SEC23B: variants seen among roughly 807,000 people sequenced by gnomAD.
The protein encoded by SEC23B is SEC23 homolog B, COPII component.
SEC23B carries 77 observed loss-of-function variants against 104.3 expected under a neutral mutation model. That is an observed-to-expected ratio of 0.74 (90% CI 0.61 to 0.89). The LOEUF (loss-of-function observed/expected upper bound fraction) is 0.89. Among genes scored for constraint, SEC23B ranks in the 40% least tolerant of loss-of-function variants. The probability of loss-of-function intolerance (pLI) is 0.00; values close to 1 mark genes in which losing one functional copy is unlikely to be tolerated. For missense variants in SEC23B, 885 were observed against 949.4 expected (o/e 0.93, Z 0.89); for synonymous variants, 338 against 332.5 (o/e 1.02, Z -0.18).
At position 18,558,598 on chromosome 20, in the gene SEC23B, C is replaced by CT. The variant is rs572958997; in HGVS notation, c.2215-2049dup. Among the ~76,000 whole-genome samples, 39 of 152,222 alleles carry CT rather than the reference C, an allele frequency of 2.6e-4. No homozygotes were observed. In the East Asian group the frequency reaches 6.6e-3, roughly 26 times the overall value. On this transcript the variant is annotated intron_variant, in intron 19 of 19. Coordinates refer to ENST00000650089, the MANE Select transcript of SEC23B (RefSeq NM_006363.6). ...TACTACATTTCCATGTATTTTCTTT[C>CT]TTTTGTTCATTTGGGTAACTTCTAT... is the stretch of plus-strand genomic sequence containing the variant.
intron 15 of SEC23B, among the ~76,000 whole-genome samples, chr20:18,547,262 A>T (rs2060341132): frequency 6.6e-6 from 1 of 152,116 alleles, no homozygotes; most frequent in Non-Finnish European, 1.5e-5. Context: ...TCTGTGCCTC[A>T]GTTTCCTCAC....
chr20:18,542,824 G>A (rs1190140810), intron 13 of SEC23B, among the ~76,000 whole-genome samples, 195 bp from the exon 14 acceptor site: 1 of 152,128 alleles, frequency 6.6e-6, no homozygotes, highest in East Asian at 1.9e-4. Context: ...TATGCAGAGA[G>A]ATGGTGATCT....
chr20:18,536,553 G>A (rs1016929260), intron 12 of SEC23B, among the ~76,000 whole-genome samples: 39 of 152,286 alleles, frequency 2.6e-4, no homozygotes, highest in African/African-American at 9.4e-4. Context: ...TTAGCCAGGT[G>A]TGTTGGTGGG....
chr20:18,558,965 A>AT (rs1320838318), intron 19 of SEC23B, among the ~76,000 whole-genome samples: 1 of 149,346 alleles, frequency 6.7e-6, no homozygotes, highest in East Asian at 2.0e-4. Context: ...TGTGTAAGTG[A>AT]TTTTTTTATT....
intron 13 of SEC23B, 28 bp from the exon 14 acceptor site, chr20:18,542,991 A>C (rs754607028): frequency 1.9e-6 from 3 of 1,613,874 alleles, no homozygotes; most frequent in African/African-American, 2.7e-5. Flanking sequence ...CCTAAACATA[A>C]GCATGGCACT....
intron 11 of SEC23B, 67 bp downstream of exon 11, chr20:18,532,811 A>G (rs2060198934): frequency 1.7e-6 from 2 of 1,181,452 alleles, no homozygotes; most frequent in East Asian, 2.3e-5. Context: ...GTGTCAGAGC[A>G]TGATGATCTC....
In SEC23B at chr20:18,511,049, C is replaced by A. The variant is rs755933445; in HGVS notation, c.214C>A (p.Pro72Thr). The A allele has an allele frequency of 6.2e-7, 1 of 1,609,066 alleles. No homozygotes were observed. The highest frequency in any genetic ancestry group is 8.5e-7 in the Non-Finnish European group (1 of 1,175,420). Reference protein sequence around the residue: ...SRPTCKAVLNPLCQVDYRAKL... With the variant: ...SRPTCKAVLNTLCQVDYRAKL... Reference sequence around the variant, plus strand: ...GCCAACTTGTAAAGCTGTTCTCAACCCACTTTGGTATGGATTCTTTTGAAA... The same window carrying A: ...GCCAACTTGTAAAGCTGTTCTCAACACACTTTGGTATGGATTCTTTTGAAA... Residue 72 changes from proline (P) to threonine (T), a missense_variant, in exon 2 of 20, where the codon CCA (proline) becomes ACA (threonine). Transcript: ENST00000650089.
chr20:18,524,980 C>A lies in SEC23B; in HGVS notation c.649C>A (p.Arg217=). The change falls in exon 6 of 20, where the codon CGA becomes AGA. Residue 217 remains arginine (R), a synonymous_variant. Transcript: ENST00000650089. ...TKPAMPMQQA[R]PAQPQEHPFA... ...GCCAGCCATGCCCATGCAGCAAGCA[C>A]GACCTGCACAACCACAGGAGCACCC... The A allele has an allele frequency of 6.2e-7, 1 of 1,613,970 alleles. No homozygotes were observed. The highest frequency in any genetic ancestry group is 2.2e-5 in the East Asian group (1 of 44,866).
rs398035473 is a variant in SEC23B at position 18,508,716 on chromosome 20, C to CTTTTTTTTTTTTTTTTTTTT, written c.-15+746_-15+765dup. 7.2e-5 allele frequency among the ~76,000 whole-genome samples: 7 copies of CTTTTTTTTTTTTTTTTTTTT among 97,482 alleles called. 1 individual carries two copies. Among genetic ancestry groups the CTTTTTTTTTTTTTTTTTTTT allele is most frequent in the African/African-American group, 2.9e-4 (7 of 24,258 alleles). The allele number at this position is 97,482 out of a possible 152,430, so 64.0% of individuals were successfully genotyped here. On this transcript the variant is annotated intron_variant, in intron 1 of 19. Transcript: ENST00000650089. ...AACCATTAGATGGAGGCAGTAGCTT[C>CTTTTTTTTTTTTTTTTTTTT]TTTTTTTTTTTTTTTTTTTTTGAGA... is the stretch of plus-strand genomic sequence containing the variant.
At chr20:18,535,138 T>C (rs1790052660) in intron 11 of SEC23B, among the ~76,000 whole-genome samples, 1 of 152,084 alleles carries the variant, frequency 6.6e-6, no homozygotes, top group Non-Finnish European at 1.5e-5. Flanking sequence ...TCTGACTTGA[T>C]TGATTCTTTG....
intron 5 of SEC23B, 53 bp downstream of exon 5, chr20:18,524,722 A>C (rs2060119131): frequency 1.4e-6 from 2 of 1,453,222 alleles, no homozygotes; most frequent in East Asian, 2.3e-5. Flanking sequence ...TTTAAAAGAG[A>C]CTGGGGTCTC....
intron 12 of SEC23B, among the ~76,000 whole-genome samples, chr20:18,536,904 T>C (rs2060237234): frequency 6.6e-6 from 1 of 152,182 alleles, no homozygotes; most frequent in Non-Finnish European, 1.5e-5. Context: ...ATTTACTATT[T>C]GTTAAGTGGA....
intron 15 of SEC23B, among the ~76,000 whole-genome samples, chr20:18,548,096 C>G (rs1421491344): frequency 6.6e-6 from 1 of 151,972 alleles, no homozygotes; most frequent in Non-Finnish European, 1.5e-5. Flanking sequence ...GGATTACAGG[C>G]GCCCACCACC....
rs1390853007 is a variant in SEC23B at position 18,510,491 on chromosome 20, A to G, written c.-14-331A>G. Among the ~76,000 whole-genome samples, 3 of 152,334 alleles carry G rather than the reference A, an allele frequency of 2.0e-5. No individual in the cohort carries two copies. In the East Asian group the frequency reaches 5.8e-4, roughly 29 times the overall value. On this transcript the variant is annotated intron_variant, in intron 1 of 19. Transcript: ENST00000650089. ...AAACACTGTGTTAGTTGGGCCGGGTACAGTGGGTCACGCCTGTAATCCCAG... is the reference window on the plus strand; with the variant it reads ...AAACACTGTGTTAGTTGGGCCGGGTGCAGTGGGTCACGCCTGTAATCCCAG...
In SEC23B at chr20:18,561,002, A is replaced by T; in HGVS notation, c.*262A>T. On this transcript the variant is annotated 3_prime_UTR_variant, in exon 20 of 20. Transcript: ENST00000650089. ...ATCCTAACTTTTAGAATCTAAATAA[A>T]ATCAGAGGTAATGTATTTTGGCAGC... The T allele has an allele frequency of 4.5e-6, 2 of 440,392 alleles. No homozygotes were observed. Among genetic ancestry groups the T allele is most frequent in the Non-Finnish European group, 8.4e-6 (2 of 239,410 alleles). The allele number at this position is 440,392 out of a possible 1,614,324, so 27.3% of individuals were successfully genotyped here.
chr20:18,542,245 G>C (rs754024580), intron 12 of SEC23B, 51 bp from the exon 13 acceptor site: 1 of 1,474,750 alleles, frequency 6.8e-7, no homozygotes, highest in Admixed American at 1.7e-5. Flanking sequence ...CTCTGTGACC[G>C]TGTTTGAGTT....
At chr20:18,531,504 A>G (rs2060186692) in intron 10 of SEC23B, among the ~76,000 whole-genome samples, 1 of 151,956 alleles carries the variant, frequency 6.6e-6, no homozygotes, top group Admixed American at 6.6e-5. Flanking sequence ...TAAAAATACA[A>G]AACTAGCCGG....
chr20:18,510,964 T>C lies in SEC23B; in HGVS notation c.129T>C (p.Thr43=). The change falls in exon 2 of 20, where the codon ACT becomes ACC. Residue 43 remains threonine, a synonymous_variant. Transcript: ENST00000650089. ...RMVVPLACLL[T]PLKERPDLPP... is the part of the protein sequence containing the mutation. ...TTGTACCCCTGGCTTGTCTCCTTAC[T>C]CCTTTGAAAGAACGTCCAGACCTAC... 1 of 1,614,130 alleles carries C rather than the reference T, an allele frequency of 6.2e-7. No homozygotes were observed. Among genetic ancestry groups the C allele is most frequent in the Non-Finnish European group, 8.5e-7 (1 of 1,180,000 alleles).
Position 18,531,596 on chromosome 20 carries a change from C to T in SEC23B, c.1233+793C>T, listed in dbSNP as rs1445158773. Reference sequence around the variant, plus strand: ...GCTTGTACGTAGGAGGCGGAGGTTGCGGTGAGCCAAAATCCTGCCATTGCA... The same window carrying T: ...GCTTGTACGTAGGAGGCGGAGGTTGTGGTGAGCCAAAATCCTGCCATTGCA... On this transcript the variant is annotated intron_variant, in intron 10 of 19. Transcript: ENST00000650089. Among the ~76,000 whole-genome samples, 6 of 132,282 alleles carry T rather than the reference C, an allele frequency of 4.5e-5. No individual in the cohort carries two copies. The South Asian group carries it at 7.8e-4, about 17-fold the overall frequency. The allele number at this position is 132,282 out of a possible 152,430, so 86.8% of individuals were successfully genotyped here.
Sources: gnomAD v4.1 joint callset for allele counts (sites outside exome capture counted in the v4.1 genomes callset) on GRCh38, gnomAD v4.1.1 for gene constraint, MANE v1.5 for transcripts, NCBI Gene and HGNC (gene_info 2026-07-23, HGNC 2026-07-21) for gene names.